MAPK6: variants seen among roughly 807,000 people sequenced by gnomAD.
MAPK6 encodes the protein mitogen-activated protein kinase 6, also known as ERK-3.
MAPK6 carries 19 observed loss-of-function variants against 59.3 expected under a neutral mutation model. The ratio of observed to expected loss-of-function variants is 0.32; its 90% confidence interval spans 0.22 to 0.47. The LOEUF is 0.47. MAPK6 is among the 20% of genes least tolerant of loss of function. The pLI is 1.00. For missense variants in MAPK6, 724 were observed against 847.9 expected (o/e 0.85, Z 1.81); for synonymous variants, 316 against 290.3 (o/e 1.09, Z -0.90).
At chr15:52,033,033 C>G (rs1468410911) in intron 1 of MAPK6, among the ~76,000 whole-genome samples, 1 of 152,126 alleles carries the variant, frequency 6.6e-6, no homozygotes, top group Non-Finnish European at 1.5e-5. Context: ...TCAGGCTGGT[C>G]TTGAACTCAA....
At chr15:51,997,191 A>G (rs1232047080) in intron 2 of MAPK6, among the ~76,000 whole-genome samples, 1 of 151,582 alleles carries the variant, frequency 6.6e-6, no homozygotes, top group Non-Finnish European at 1.5e-5. Context: ...CATGTTGGCC[A>G]GGCTGGTCTT....
rs536025694 is a variant in MAPK6, at chr15:52,025,666, G to A, written c.-632+6290G>A. 3.9e-4 allele frequency among the ~76,000 whole-genome samples: 59 copies of A among 152,152 alleles called. No homozygotes were observed. In the Middle Eastern group the frequency reaches 0.017, roughly 44 times the overall value. ...AAATACAAAAAATTAGCCGGGTGGC[G>A]GGCGCCTGTAGTCCCAGCTGCTTGG... On this transcript the variant is annotated intron_variant, in intron 1 of 5. Coordinates refer to ENST00000261845, the MANE Select transcript of MAPK6 (RefSeq NM_002748.4).
At chr15:52,032,476 C>T (rs576237258) in intron 1 of MAPK6, among the ~76,000 whole-genome samples, 73 of 152,236 alleles carry the variant, frequency 4.8e-4, no homozygotes, top group African/African-American at 1.7e-3. Flanking sequence ...AGGCGTGAGC[C>T]ACTGTGCCTG....
chr15:52,022,765 G>A (rs2030584948), intron 1 of MAPK6, among the ~76,000 whole-genome samples: 1 of 151,822 alleles, frequency 6.6e-6, no homozygotes, highest in Admixed American at 6.6e-5. Flanking sequence ...ACGTATTTTC[G>A]GCATTGTTTT....
At chr15:52,033,844 T>C (rs1034223634) in intron 1 of MAPK6, 1 of 152,058 alleles carries the variant, frequency 6.6e-6, no homozygotes, top group Non-Finnish European at 1.5e-5. Context: ...TTTTTTTCTT[T>C]TGGTACTTAA....
chr15:52,016,068 G>GCACACACACACACACA (rs1183676940), upstream of MAPK6, among the ~76,000 whole-genome samples: 1 of 35,610 alleles, frequency 2.8e-5, no homozygotes, highest in Non-Finnish European at 6.3e-5. Context: ...GCGCGCGCGC[G>GCACACACACACACACA]CGCACACACA....
At chr15:52,047,269 C>G (rs1212661014) in intron 2 of MAPK6, among the ~76,000 whole-genome samples, 2 of 152,014 alleles carry the variant, frequency 1.3e-5, no homozygotes, top group South Asian at 2.1e-4. Context: ...ATGAAATTCT[C>G]CCTTAGTTAT....
intron 1 of MAPK6, among the ~76,000 whole-genome samples, chr15:52,039,813 A>T (rs1269846744): frequency 1.3e-5 from 2 of 152,096 alleles, no homozygotes; most frequent in African/African-American, 4.8e-5. Flanking sequence ...CACCACGCCC[A>T]GCCTGTTTTG....
chr15:52,026,984 AG>A (rs1379886567), intron 1 of MAPK6, among the ~76,000 whole-genome samples: 1 of 151,590 alleles, frequency 6.6e-6, no homozygotes, highest in Non-Finnish European at 1.5e-5. Flanking sequence ...CAGGAGGCGG[AG>A]GTTGCAGTGA....
At chr15:52,014,244 C>T (rs917173269), upstream of MAPK6, among the ~76,000 whole-genome samples, 37 of 152,130 alleles carry the variant, frequency 2.4e-4, no homozygotes, top group African/African-American at 8.7e-4. Context: ...CTTATTTTTT[C>T]TCTCCTGCAT....
intron 1 of MAPK6, among the ~76,000 whole-genome samples, chr15:52,021,885 G>A (rs115739155): frequency 0.014 from 2,105 of 151,332 alleles, 60 homozygotes; most frequent in African/African-American, 0.049. Flanking sequence ...ATTTTTCATG[G>A]TTTTTTTTTA....
Position 52,065,719 on chromosome 15 carries a change from GT to G in MAPK6, c.*724del, listed in dbSNP as rs2032394825. The stretch of plus-strand genomic sequence containing the variant: ...TATTTAATTATAAAAAATTAACTTA[GT>G]TTTTAAAATTTATTTGCAAATATAC... On this transcript the variant is annotated 3_prime_UTR_variant, in exon 6 of 6. Transcript: ENST00000261845. The G allele has an allele frequency of 7.1e-6, 1 of 141,678 alleles. No homozygotes were observed. Among genetic ancestry groups the G allele is most frequent in the Non-Finnish European group, 1.5e-5 (1 of 64,944 alleles). 8.8% of individuals were successfully genotyped at this position (141,678 alleles called of 1,614,324 possible). A position where few individuals can be genotyped will look rare whatever the true frequency, so the allele number is the denominator to read the frequency against.
At chr15:52,049,351 A>ATTTTTTTTTTTTTTTTTTTTTTTTTTTTT (rs60965378) in intron 2 of MAPK6, among the ~76,000 whole-genome samples, 3 of 109,738 alleles carry the variant, frequency 2.7e-5, no homozygotes, top group Non-Finnish European at 5.5e-5. Context: ...GAGTTATATA[A>ATTTTTTTTTTTTTTTTTTTTTTTTTTTTT]TTTTTTTTTT....
At chr15:51,990,116 C>T (rs2057203332) in intron 2 of MAPK6, among the ~76,000 whole-genome samples, 1 of 152,292 alleles carries the variant, frequency 6.6e-6, no homozygotes, top group Non-Finnish European at 1.5e-5. Context: ...ATTCATTGCA[C>T]ATCTGTGGTG....
intron 2 of MAPK6, among the ~76,000 whole-genome samples, chr15:51,991,076 C>T (rs867240867): frequency 6.6e-6 from 1 of 151,698 alleles, no homozygotes; most frequent in South Asian, 2.1e-4. Context: ...TGCTGTGACC[C>T]GGCATTGCAC....
chr15:52,047,096 A>G (rs1486495020), intron 2 of MAPK6, 81 bp downstream of exon 2: 3 of 1,033,314 alleles, frequency 2.9e-6, no homozygotes, highest in Non-Finnish European at 4.0e-6. Context: ...TTCTTTGTAT[A>G]TTGTGGCAGA....
intron 3 of MAPK6, chr15:52,056,858 C>T (rs1263004076): frequency 1.3e-5 from 2 of 152,118 alleles, no homozygotes; most frequent in African/African-American, 4.8e-5. Flanking sequence ...TTTATGATGA[C>T]TCCTGAATTT....
chr15:52,028,088 G>A (rs2030880608), intron 1 of MAPK6, among the ~76,000 whole-genome samples: 1 of 151,574 alleles, frequency 6.6e-6, no homozygotes, highest in Non-Finnish European at 1.5e-5. Flanking sequence ...GAGTAGCTGG[G>A]ACTACAGGCG....
intron 2 of MAPK6, among the ~76,000 whole-genome samples, chr15:51,997,590 C>CTTTTTT (rs747963086): frequency 7.4e-6 from 1 of 135,068 alleles, no homozygotes; most frequent in African/African-American, 2.8e-5. Context: ...TTCTTTCTTT[C>CTTTTTT]TTTTTTTTTT....
Sources: gnomAD v4.1 joint callset for allele counts (sites outside exome capture counted in the v4.1 genomes callset) on GRCh38, gnomAD v4.1.1 for gene constraint, MANE v1.5 for transcripts, NCBI Gene and HGNC (gene_info 2026-07-23, HGNC 2026-07-21) for gene names.